Variants in TM4SF20 observed in about 807,000 individuals in gnomAD.
TM4SF20 encodes transmembrane 4 L6 family member 20.
In TM4SF20, 13 loss-of-function variants were observed where a neutral mutation model predicts 15.1. The ratio of observed to expected loss-of-function variants is 0.86; its 90% CI spans 0.56 to 1.36. The LOEUF is 1.36. TM4SF20 is among the 40% of genes most tolerant of loss of function. The pLI is 0.00. For missense variants in TM4SF20, 282 were observed against 268.4 expected (o/e 1.05, Z -0.35); for synonymous variants, 92 against 96.6 (o/e 0.95, Z 0.28).
chr2:227,370,016 T>C (rs2076412839), intron 2 of TM4SF20, among the ~76,000 whole-genome samples: 1 of 152,198 alleles, frequency 6.6e-6, no homozygotes, highest in African/African-American at 2.4e-5. Flanking sequence ...TTTGAGAGAA[T>C]TAAATGAAAC....
intron 2 of TM4SF20, among the ~76,000 whole-genome samples, chr2:227,370,275 AC>A (rs1429400403): frequency 2.6e-5 from 4 of 152,154 alleles, no homozygotes; most frequent in African/African-American, 9.7e-5. Context: ...CAAAAATATC[AC>A]ACCCGAGTAT....
chr2:227,369,344 A>G (rs2076409000), intron 2 of TM4SF20, among the ~76,000 whole-genome samples: 1 of 151,954 alleles, frequency 6.6e-6, no homozygotes, highest in South Asian at 2.1e-4. Context: ...CTTTTGAAAA[A>G]TACTGATGCA....
chr2:227,368,963 T>G (rs2076407259), intron 2 of TM4SF20, among the ~76,000 whole-genome samples: 1 of 152,228 alleles, frequency 6.6e-6, no homozygotes, highest in Non-Finnish European at 1.5e-5. Context: ...TCTTAGAGGA[T>G]ACACCTATCG....
chr2:227,366,314 G>C (rs139711762), intron 2 of TM4SF20, 70 bp from the exon 3 acceptor site: 4 of 1,365,830 alleles, frequency 2.9e-6, no homozygotes, highest in Non-Finnish European at 4.0e-6. Flanking sequence ...CTTCAGGAGC[G>C]TATACAGTCT....
intron 2 of TM4SF20, 51 bp from the exon 3 acceptor site, chr2:227,366,295 T>C: frequency 6.5e-7 from 1 of 1,541,754 alleles, no homozygotes; most frequent in East Asian, 2.3e-5. Flanking sequence ...GTTCTTGATC[T>C]GTTTCAAGCT....
At chr2:227,369,631 G>A (rs1322175356) in intron 2 of TM4SF20, among the ~76,000 whole-genome samples, 1 of 152,152 alleles carries the variant, frequency 6.6e-6, no homozygotes, top group African/African-American at 2.4e-5. Flanking sequence ...GTTTCACCAT[G>A]TTGGCCAGGC....
intron 3 of TM4SF20, among the ~76,000 whole-genome samples, chr2:227,365,756 A>G (rs2076389680): frequency 6.6e-6 from 1 of 152,214 alleles, no homozygotes; most frequent in Admixed American, 6.5e-5. Context: ...TTCTCCAAGG[A>G]TGAAAGTTAA....
At chr2:227,377,807 C>T (rs529672566) in intron 1 of TM4SF20, among the ~76,000 whole-genome samples, 133 of 152,072 alleles carry the variant, frequency 8.7e-4, no homozygotes, top group African/African-American at 3.0e-3. Flanking sequence ...ACAACACACA[C>T]TGGTGCCTGT....
In TM4SF20 at chr2:227,379,213, A is replaced by C. The variant is rs1331542584; in HGVS notation, c.56T>G (p.Leu19Arg). ...SCNGFSLLVL[L>R]LLGVVLNAIP... ...CGCATTGAGAACTACTCCTAACAGC[A>C]GTAGAACCAGCAGGCTGAATCCATT... Residue 19 changes from leucine to arginine, a missense_variant, in exon 1 of 4, where the codon CTG becomes CGG. Transcript: ENST00000304568. The C allele has an allele frequency of 6.2e-7, 1 of 1,614,252 alleles. No individual in the cohort carries two copies. The highest frequency in any genetic ancestry group is 8.5e-7 in the Non-Finnish European group (1 of 1,180,038).
chr2:227,379,091 G>C lies in TM4SF20; in HGVS notation c.178C>G (p.Leu60Val). The change falls in exon 1 of 4, where the codon CTG (leucine) becomes GTG (valine). Residue 60 changes from leucine to valine, a missense_variant. Leu to Val is a conservative substitution (Grantham distance 32). Transcript: ENST00000304568. ...GTCAAATAAATATCACTCACCATCA[G>C]ACCTGCTCCTATAATTCCTGGGAAC... ...WWFPGIIGAG[L>V]MAIPATTMSL... The C allele has an allele frequency of 6.2e-7, 1 of 1,614,050 alleles. No homozygotes were observed. The highest frequency in any genetic ancestry group is 1.1e-5 in the South Asian group (1 of 91,056).
At chr2:227,369,898 G>T (rs1392111902) in intron 2 of TM4SF20, among the ~76,000 whole-genome samples, 1 of 152,110 alleles carries the variant, frequency 6.6e-6, no homozygotes, top group East Asian at 1.9e-4. Context: ...AGTGGGTTTG[G>T]ATAAAAATCC....
rs762511207 is a variant in TM4SF20 at position 227,366,257 on chromosome 2, A to G, written c.250-13T>C. On this transcript the variant is annotated splice_polypyrimidine_tract_variant and intron_variant, in intron 2 of 3. Transcript: ENST00000304568. The stretch of plus-strand genomic sequence containing the variant: ...ATGAAAGAAACATCTGAAAAATAAA[A>G]TAGAGCCATTTGCACATGTTATGAC... 10 of 1,608,956 alleles carry G rather than the reference A, an allele frequency of 6.2e-6. No homozygotes were observed. The highest frequency in any genetic ancestry group is 5.1e-5 in the Admixed American group (3 of 58,804).
Position 227,363,608 on chromosome 2 carries a change from A to T in TM4SF20, c.*116T>A. On this transcript the variant is annotated 3_prime_UTR_variant, in exon 4 of 4. Transcript: ENST00000304568. The stretch of plus-strand genomic sequence containing the variant: ...GATATGAGAGTGTTATGCATTTACA[A>T]CGTGCTTTCTACGTGAAGGGTTGAT... 9.7e-7 allele frequency: 1 copy of T among 1,029,422 alleles called. No homozygotes were observed. The highest frequency in any genetic ancestry group is 1.4e-6 in the Non-Finnish European group (1 of 711,426). The allele number at this position is 1,029,422 out of a possible 1,614,324, so 63.8% of individuals were successfully genotyped here. A position where few individuals can be genotyped will look rare whatever the true frequency, so the allele number is the denominator to read the frequency against.
In TM4SF20 at chr2:227,362,207, C is replaced by A. The variant is rs1452094401; in HGVS notation, c.*1517G>T. 1 of 152,016 alleles carries A rather than the reference C, an allele frequency of 6.6e-6. No individual in the cohort carries two copies. Among genetic ancestry groups the A allele is most frequent in the East Asian group, 1.9e-4 (1 of 5,184 alleles). 9.4% of individuals were successfully genotyped at this position (152,016 alleles called of 1,614,324 possible). On this transcript the variant is annotated 3_prime_UTR_variant, in exon 4 of 4. Transcript: ENST00000304568. ...ACAACATTTTAATGTGATAAATACCCTTGTTATCCTGTTTTTTAAAGATTG... is the reference window on the plus strand; with the variant it reads ...ACAACATTTTAATGTGATAAATACCATTGTTATCCTGTTTTTTAAAGATTG...
chr2:227,367,807 G>C (rs570460875), intron 2 of TM4SF20, among the ~76,000 whole-genome samples: 1 of 152,134 alleles, frequency 6.6e-6, no homozygotes, highest in Non-Finnish European at 1.5e-5. Flanking sequence ...CCATTTTATA[G>C]ATGAGAAAAC....
intron 1 of TM4SF20, among the ~76,000 whole-genome samples, chr2:227,373,149 C>CT (rs1362995253): frequency 6.6e-6 from 1 of 152,224 alleles, no homozygotes; most frequent in Non-Finnish European, 1.5e-5. Flanking sequence ...TACTCCCACT[C>CT]TGATTCATTT....
chr2:227,367,810 G>A (rs1452608706), intron 2 of TM4SF20, among the ~76,000 whole-genome samples: 1 of 152,058 alleles, frequency 6.6e-6, no homozygotes, highest in Admixed American at 6.6e-5. Context: ...TTTTATAGAT[G>A]AGAAAACTGT....
upstream of TM4SF20, among the ~76,000 whole-genome samples, chr2:227,381,194 T>TTGAACCCAGAAGGCAGTAGTG: frequency 6.6e-6 from 1 of 151,988 alleles, no homozygotes; most frequent in Non-Finnish European, 1.5e-5. Flanking sequence ...GGAGAATCAC[T>TTGAACCCAGAAGGCAGTAGTG]TGAACCCAGA....
At chr2:227,378,747 C>T (rs1478608533) in intron 1 of TM4SF20, among the ~76,000 whole-genome samples, 1 of 152,110 alleles carries the variant, frequency 6.6e-6, no homozygotes, top group East Asian at 1.9e-4. Flanking sequence ...TGGTATGGAG[C>T]AATGGAAAGT....
Sources: gnomAD v4.1 joint callset for allele counts (sites outside exome capture counted in the v4.1 genomes callset) on GRCh38, gnomAD v4.1.1 for gene constraint, MANE v1.5 for transcripts, NCBI Gene and HGNC (gene_info 2026-07-23, HGNC 2026-07-21) for gene names.